Variants in ARNT observed in about 807,000 individuals in gnomAD.
The protein encoded by ARNT is class E basic helix-loop-helix protein 2.
ARNT carries 30 observed loss-of-function variants against 105.0 expected under a neutral mutation model. The observed-to-expected ratio is 0.29, with a 90% CI of 0.21 to 0.39. The LOEUF (loss-of-function observed/expected upper bound fraction) is 0.39, where lower values mean the gene tolerates loss of function less well. Ranked by LOEUF, ARNT falls within the 10% of genes least tolerant of loss-of-function variation. The pLI is 1.00. For synonymous variants in ARNT, 304 were observed against 344.0 expected (o/e 0.88, Z 1.29); for missense variants, 748 against 978.7 (o/e 0.76, Z 3.15).
chr1:150,847,596 G>A (rs1662484217), intron 3 of ARNT, among the ~76,000 whole-genome samples: 1 of 152,094 alleles, frequency 6.6e-6, no homozygotes, highest in Non-Finnish European at 1.5e-5. Context: ...TGGATTTTAT[G>A]GAAGCAATGA....
intron 4 of ARNT, among the ~76,000 whole-genome samples, chr1:150,845,816 C>T (rs372272870): frequency 5.9e-5 from 9 of 151,522 alleles, no homozygotes; most frequent in African/African-American, 1.7e-4. Context: ...GCAGGAGAAT[C>T]GCTTGAACCC....
intron 1 of ARNT, among the ~76,000 whole-genome samples, chr1:150,868,345 G>C (rs587611292): frequency 7.2e-5 from 11 of 152,138 alleles, no homozygotes; most frequent in African/African-American, 2.7e-4. Context: ...GGTGAGAAGA[G>C]AAAAGTAGAA....
intron 3 of ARNT, 96 bp downstream of exon 3, chr1:150,852,666 T>C: frequency 8.6e-7 from 1 of 1,167,106 alleles, no homozygotes; most frequent in Non-Finnish European, 1.2e-6. Context: ...AGTACTCTCC[T>C]TAGACCTAAG....
chr1:150,812,599 G>A (rs1654960764), intron 21 of ARNT: 1 of 152,738 alleles, frequency 6.5e-6, no homozygotes, highest in Non-Finnish European at 1.5e-5. Flanking sequence ...TTTTTTAAAT[G>A]GAACACTTCA....
At chr1:150,863,516 A>T (rs1175811289) in intron 1 of ARNT, among the ~76,000 whole-genome samples, 1 of 151,914 alleles carries the variant, frequency 6.6e-6, no homozygotes, top group African/African-American at 2.4e-5. Flanking sequence ...CAAAAAGGTA[A>T]ATCAAACTGG....
chr1:150,869,409 G>A (rs1667113132), intron 1 of ARNT, among the ~76,000 whole-genome samples: 1 of 151,080 alleles, frequency 6.6e-6, no homozygotes, highest in Non-Finnish European at 1.5e-5. Flanking sequence ...CCTGGGAGGC[G>A]GAGCTTGCAG....
At chr1:150,858,622 T>TC (rs1351312760) in intron 1 of ARNT, among the ~76,000 whole-genome samples, 162 bp from the exon 2 acceptor site, 1 of 151,212 alleles carries the variant, frequency 6.6e-6, no homozygotes, top group Non-Finnish European at 1.5e-5. Context: ...CTTGATTTTT[T>TC]TTTTTTTTTT....
At chr1:150,817,552 A>G (rs1656153474) in intron 15 of ARNT, 119 bp from the exon 16 acceptor site, 1 of 939,402 alleles carries the variant, frequency 1.1e-6, no homozygotes, top group Non-Finnish European at 1.6e-6. Flanking sequence ...TCATGCCTGT[A>G]ATCCCAACAC....
chr1:150,861,616 C>T (rs1665657829), intron 1 of ARNT, among the ~76,000 whole-genome samples: 1 of 152,104 alleles, frequency 6.6e-6, no homozygotes, highest in Non-Finnish European at 1.5e-5. Flanking sequence ...TCAAGACCAC[C>T]CTGGGCAACA....
chr1:150,823,262 G>T lies in ARNT; in HGVS notation c.1326C>A (p.Ser442Arg). The T allele has an allele frequency of 6.2e-7, 1 of 1,614,046 alleles. No individual in the cohort carries two copies. The highest frequency in any genetic ancestry group is 8.5e-7 in the Non-Finnish European group (1 of 1,179,918). Residue 442 changes from serine (S) to arginine (R), a missense_variant, in exon 14 of 22, where the codon AGC (serine) becomes AGA (arginine). This residue lies in a region of ARNT where 4 missense variants were observed against 20.6 expected (regional missense o/e 0.19). Coordinates refer to ENST00000358595, the MANE Select transcript of ARNT (RefSeq NM_001668.4). ...AGTAAGGGTTCTGGAAAGTAAAGGA[G>T]CTGGTTCTCATCCAGAGCCATTCTT... is the stretch of plus-strand genomic sequence containing the variant. Reference protein sequence around the residue: ...KNQEWLWMRTSSFTFQNPYSD... With the variant: ...KNQEWLWMRTRSFTFQNPYSD...
chr1:150,823,830 G>A (rs1657626709), intron 13 of ARNT, among the ~76,000 whole-genome samples: 1 of 147,628 alleles, frequency 6.8e-6, no homozygotes, highest in African/African-American at 2.5e-5. Flanking sequence ...GATTACAAGT[G>A]TGAGCCACCG....
chr1:150,854,430 T>C (rs1664184012), intron 2 of ARNT, among the ~76,000 whole-genome samples: 1 of 126,870 alleles, frequency 7.9e-6, no homozygotes, highest in African/African-American at 3.0e-5. Flanking sequence ...TGGTGGCGCA[T>C]GTGTAGTCCT....
chr1:150,876,460 G>C lies in ARNT; in HGVS notation c.25+83C>G, dbSNP rs1395350148. 2.0e-6 allele frequency: 3 copies of C among 1,511,672 alleles called. No homozygotes were observed. In the East Asian group the frequency reaches 8.3e-5, roughly 42 times the overall value. The allele number at this position is 1,511,672 out of a possible 1,614,324, so 93.6% of individuals were successfully genotyped here. Reference sequence around the variant, plus strand: ...CCCCGGCGCCTTCAGCTCCAGCTGCGTCCCCTCAGCCCTGGGTCTCCTTAG... The same window carrying C: ...CCCCGGCGCCTTCAGCTCCAGCTGCCTCCCCTCAGCCCTGGGTCTCCTTAG... On this transcript the variant is annotated intron_variant, in intron 1 of 21. Coordinates refer to ENST00000358595, the MANE Select transcript of ARNT (RefSeq NM_001668.4).
At chr1:150,827,548 A>G (rs1658519863) in intron 12 of ARNT, among the ~76,000 whole-genome samples, 1 of 152,254 alleles carries the variant, frequency 6.6e-6, no homozygotes. Context: ...ACATGGATAC[A>G]ACACAGTTGT....
intron 13 of ARNT, 125 bp downstream of exon 13, chr1:150,826,418 G>T: frequency 1.4e-6 from 1 of 703,182 alleles, no homozygotes. Context: ...CCTTAAAAAT[G>T]CAGATTAACT....
At chr1:150,852,120 G>C (rs886688894) in intron 3 of ARNT, among the ~76,000 whole-genome samples, 8 of 151,982 alleles carry the variant, frequency 5.3e-5, no homozygotes, top group African/African-American at 1.9e-4. Context: ...GGTGTCAGAG[G>C]GTATGACAGA....
intron 13 of ARNT, 60 bp from the exon 14 acceptor site, chr1:150,823,405 T>A: frequency 6.6e-7 from 1 of 1,506,242 alleles, no homozygotes. Flanking sequence ...CAAAAATAAA[T>A]AAAAATTTTC....
Position 150,817,199 on chromosome 1 carries a change from C to A in ARNT, c.1582G>T (p.Val528Phe), listed in dbSNP as rs757224933. 22 of 1,613,830 alleles carry A rather than the reference C, an allele frequency of 1.4e-5. No individual in the cohort carries two copies. Among genetic ancestry groups the A allele is most frequent in the Non-Finnish European group, 1.8e-5 (21 of 1,179,996 alleles). Residue 528 changes from valine to phenylalanine, a missense_variant, in exon 17 of 22, where the codon GTT becomes TTT. Coordinates refer to ENST00000358595, the MANE Select transcript of ARNT (RefSeq NM_001668.4). The part of the protein sequence containing the change: ...GLASYNHSQV[V>F]QPVTTTGPEH... ...GGTCCTGTGGTTGTCACAGGCTGAA[C>A]CACCTGTGGAATACAATGATAAAAA...
At chr1:150,864,776 AT>A (rs1481978553) in intron 1 of ARNT, among the ~76,000 whole-genome samples, 10 of 147,144 alleles carry the variant, frequency 6.8e-5, no homozygotes, top group South Asian at 2.1e-4. Context: ...AAATAAATAA[AT>A]AAATAAATAA....
Sources: gnomAD v4.1 joint callset for allele counts (sites outside exome capture counted in the v4.1 genomes callset) on GRCh38, gnomAD v4.1.1 for gene constraint, gnomAD v4.1.1 regional missense constraint, MANE v1.5 for transcripts, NCBI Gene and HGNC (gene_info 2026-07-23, HGNC 2026-07-21) for gene names.